Variants in COL23A1 observed in about 807,000 individuals in gnomAD.
COL23A1 encodes the protein collagen type XXIII alpha 1 chain.
COL23A1 carries 97 observed loss-of-function variants against 99.3 expected under a neutral mutation model. That is an observed-to-expected ratio of 0.98 (90% CI 0.83 to 1.16). COL23A1 has a LOEUF of 1.16. Ranked by LOEUF, COL23A1 falls within the 50% of genes most tolerant of loss-of-function variation. COL23A1 has a pLI of 0.00. For synonymous variants in COL23A1, 320 were observed against 308.2 expected (o/e 1.04, Z -0.40); for missense variants, 762 against 757.4 (o/e 1.01, Z -0.07).
At chr5:178,388,243 C>T (rs1267430657) in intron 2 of COL23A1, among the ~76,000 whole-genome samples, 4 of 152,182 alleles carry the variant, frequency 2.6e-5, no homozygotes, top group South Asian at 2.1e-4. Context: ...CTGCTTTTAG[C>T]GCTAGTCCTG....
chr5:178,367,215 G>A (rs955133568), intron 2 of COL23A1, among the ~76,000 whole-genome samples: 1 of 152,142 alleles, frequency 6.6e-6, no homozygotes, highest in East Asian at 1.9e-4. Flanking sequence ...CATCCGCTCC[G>A]AGTCTTCCGA....
At chr5:178,521,108 A>C (rs1206640155) in intron 2 of COL23A1, among the ~76,000 whole-genome samples, 1 of 152,256 alleles carries the variant, frequency 6.6e-6, no homozygotes, top group Non-Finnish European at 1.5e-5. Context: ...AGATGATTGC[A>C]ACACAGTGGT....
At chr5:178,327,688 C>T (rs920637865) in intron 2 of COL23A1, among the ~76,000 whole-genome samples, 6 of 152,102 alleles carry the variant, frequency 3.9e-5, no homozygotes, top group African/African-American at 1.4e-4. Flanking sequence ...AGACAGTGCA[C>T]GTGGCCCTCT....
Position 178,290,375 on chromosome 5 carries a change from A to C in COL23A1, c.407-6T>G. 6.2e-7 allele frequency: 1 copy of C among 1,613,904 alleles called. No individual in the cohort carries two copies. The highest frequency in any genetic ancestry group is 8.5e-7 in the Non-Finnish European group (1 of 1,180,026). ...CAGGACACTTACTGGAGGACCTGCA[A>C]AACACAAGCAGAGAAGCCACAGTCA... On this transcript the variant is annotated splice_region_variant and splice_polypyrimidine_tract_variant and intron_variant, in intron 3 of 28. Coordinates refer to ENST00000390654, the MANE Select transcript of COL23A1 (RefSeq NM_173465.4).
At chr5:178,416,535 G>A (rs1400704795) in intron 2 of COL23A1, among the ~76,000 whole-genome samples, 1 of 152,178 alleles carries the variant, frequency 6.6e-6, no homozygotes, top group Non-Finnish European at 1.5e-5. Flanking sequence ...AGGGGTTAGA[G>A]GGAGATGGGT....
intron 11 of COL23A1, among the ~76,000 whole-genome samples, chr5:178,259,972 A>G (rs1765538132): frequency 6.6e-6 from 1 of 152,190 alleles, no homozygotes; most frequent in South Asian, 2.1e-4. Flanking sequence ...ACTGTTCTTG[A>G]AAGTGGAGAG....
rs1206048485 is a variant in COL23A1, at chr5:178,344,949, C to T, written c.362-38030G>A. The T allele has an allele frequency of 9.5e-6, 6 of 634,222 alleles. No individual in the cohort carries two copies. The East Asian group carries it at 2.5e-4, about 26-fold the overall frequency. The allele number at this position is 634,222 out of a possible 1,614,324, so 39.3% of individuals were successfully genotyped here. Reference sequence around the variant, plus strand: ...TCTCGATCCAGAAAAGAGAAAGTGCCAGTGGTTGCTGAGACAGAAGAGGTG... The same window carrying T: ...TCTCGATCCAGAAAAGAGAAAGTGCTAGTGGTTGCTGAGACAGAAGAGGTG... On this transcript the variant is annotated intron_variant, in intron 2 of 28. Transcript: ENST00000390654.
intron 25 of COL23A1, among the ~76,000 whole-genome samples, chr5:178,242,765 G>A (rs1170255297): frequency 6.6e-6 from 1 of 152,196 alleles, no homozygotes; most frequent in Non-Finnish European, 1.5e-5. Context: ...ATGAGAAATG[G>A]TGATCTCTGT....
intron 2 of COL23A1, among the ~76,000 whole-genome samples, chr5:178,493,202 T>G (rs1758021998): frequency 6.6e-6 from 1 of 152,196 alleles, no homozygotes; most frequent in Non-Finnish European, 1.5e-5. Context: ...TCTGTGGATC[T>G]GGGAGCCCAG....
At chr5:178,430,342 A>G (rs1766189093) in intron 2 of COL23A1, among the ~76,000 whole-genome samples, 1 of 152,152 alleles carries the variant, frequency 6.6e-6, no homozygotes, top group South Asian at 2.1e-4. Context: ...CACTGTCAAG[A>G]ATTCCAGAAA....
rs1334285229 is a variant in COL23A1 at position 178,242,067 on chromosome 5, G to C, written c.1556C>G (p.Pro519Arg). The change falls in exon 27 of 29, where the codon CCA becomes CGA. Residue 519 changes from proline (P) to arginine (R), a missense_variant. Pro to Arg is a moderately radical substitution (Grantham distance 103, BLOSUM62 -2). Coordinates refer to ENST00000390654, the MANE Select transcript of COL23A1 (RefSeq NM_173465.4). ...CACGGGACACGGCTGGTCCAGGCCT[G>C]GTGGTCCCGGCTCGCCCTTCTGGCC... is the stretch of plus-strand genomic sequence containing the variant. ...VKGQKGEPGP[P>R]GLDQPCPVGP... The C allele has an allele frequency of 6.4e-7, 1 of 1,554,436 alleles. No individual in the cohort carries two copies. Among genetic ancestry groups the C allele is most frequent in the Non-Finnish European group, 8.7e-7 (1 of 1,148,556 alleles).
At chr5:178,287,457 G>A (rs1581530174) in intron 5 of COL23A1, among the ~76,000 whole-genome samples, 1 of 152,240 alleles carries the variant, frequency 6.6e-6, no homozygotes. Flanking sequence ...GCGAAGGTGA[G>A]CACCTTCTCT....
intron 1 of COL23A1, 23 bp from the exon 2 acceptor site, chr5:178,560,771 A>C: frequency 6.3e-7 from 1 of 1,595,414 alleles, no homozygotes; most frequent in Non-Finnish European, 8.5e-7. Flanking sequence ...AAAAAAAAGA[A>C]AAAAAACGAG....
At chr5:178,498,211 T>TATAC in intron 2 of COL23A1, among the ~76,000 whole-genome samples, 1 of 21,272 alleles carries the variant, frequency 4.7e-5, no homozygotes, top group African/African-American at 4.7e-4. Flanking sequence ...TTTAAATATA[T>TATAC]ATATATATAT....
intron 2 of COL23A1, among the ~76,000 whole-genome samples, chr5:178,512,682 G>A (rs746388722): frequency 1.3e-5 from 2 of 152,168 alleles, no homozygotes; most frequent in Non-Finnish European, 2.9e-5. Flanking sequence ...GGCTGGATAG[G>A]TGCAGAAGAG....
At chr5:178,382,368 G>C (rs1763429387) in intron 2 of COL23A1, among the ~76,000 whole-genome samples, 1 of 152,216 alleles carries the variant, frequency 6.6e-6, no homozygotes, top group Non-Finnish European at 1.5e-5. Flanking sequence ...GGCAGGCCTA[G>C]TGTTAATATA....
chr5:178,246,208 A>C lies in COL23A1; in HGVS notation c.1413+46T>G. ...GGTCCCCGGGCTGAGCGCCACCATGACCAGGTGGCCACGGTTGGAGAGGGA... is the reference window on the plus strand; with the variant it reads ...GGTCCCCGGGCTGAGCGCCACCATGCCCAGGTGGCCACGGTTGGAGAGGGA... On this transcript the variant is annotated intron_variant, in intron 24 of 28. Transcript: ENST00000390654. 3 of 1,543,716 alleles carry C rather than the reference A, an allele frequency of 1.9e-6. No individual in the cohort carries two copies. The South Asian group carries it at 3.6e-5, about 18-fold the overall frequency.
At chr5:178,337,291 C>A (rs938835644) in intron 2 of COL23A1, among the ~76,000 whole-genome samples, 2 of 152,258 alleles carry the variant, frequency 1.3e-5, no homozygotes, top group African/African-American at 2.4e-5. Context: ...TCCCGGTGAT[C>A]CCCGGCCAGA....
chr5:178,543,924 T>C (rs1289841356), intron 2 of COL23A1, among the ~76,000 whole-genome samples: 1 of 152,108 alleles, frequency 6.6e-6, no homozygotes, highest in Admixed American at 6.5e-5. Context: ...TCCTGGTTCA[T>C]GGATGATGCC....
Sources: gnomAD v4.1 joint callset for allele counts (sites outside exome capture counted in the v4.1 genomes callset) on GRCh38, gnomAD v4.1.1 for gene constraint, MANE v1.5 for transcripts, NCBI Gene and HGNC (gene_info 2026-07-23, HGNC 2026-07-21) for gene names.